Variants in PPP1R1C observed in about 807,000 individuals in gnomAD.
PPP1R1C encodes the protein protein phosphatase 1 regulatory inhibitor subunit 1C, also known as protein phosphatase 1 regulatory subunit 1C.
Under a neutral mutation model 17.4 loss-of-function variants are expected in PPP1R1C, and 15 were observed. That is an observed-to-expected ratio of 0.86 (90% CI 0.58 to 1.33). The LOEUF (loss-of-function observed/expected upper bound fraction) is 1.33, where lower values mean the gene tolerates loss of function less well. Ranked by LOEUF, PPP1R1C falls within the 40% of genes most tolerant of loss-of-function variation. The pLI, the probability that PPP1R1C is intolerant of heterozygous loss-of-function variation, is 0.00. For missense variants in PPP1R1C, 143 were observed against 130.0 expected (o/e 1.10, Z -0.48); for synonymous variants, 35 against 43.1 (o/e 0.81, Z 0.73).
At position 181,957,899 on chromosome 2, in the gene PPP1R1C, C is replaced by G. The variant is rs543664656; in HGVS notation, n.111+3265C>G. ...AATAATTGATAAATGATTCATGAGT[C>G]ATGCCTCCCAGAGTGTGTACTCATT... On this transcript the variant is annotated intron_variant and non_coding_transcript_variant, in intron 1 of 5. Transcript: ENST00000464264. This position sits in a 1 kb window ranked among gnomAD's most constrained non-coding sequence, Gnocchi z 4.2. Among the ~76,000 whole-genome samples the G allele has an allele frequency of 3.9e-5, 6 of 152,344 alleles. No homozygotes were observed. In the East Asian group the frequency reaches 7.7e-4, roughly 20 times the overall value.
chr2:182,052,861 A>C (rs1334162209), intron 2 of PPP1R1C, among the ~76,000 whole-genome samples: 1 of 152,222 alleles, frequency 6.6e-6, no homozygotes, highest in Non-Finnish European at 1.5e-5. Context: ...AAATAGACTG[A>C]CTTCCTGTCA....
At chr2:182,035,990 T>TACACACAC (rs35108850) in intron 2 of PPP1R1C, among the ~76,000 whole-genome samples, 3 of 150,360 alleles carry the variant, frequency 2.0e-5, no homozygotes, top group Non-Finnish European at 4.5e-5. Flanking sequence ...TGTGTGTTTA[T>TACACACAC]ACACACACAC....
At position 181,976,644 on chromosome 2, in the gene PPP1R1C, C is replaced by T. The variant is rs1685096513; in HGVS notation, n.157+1380C>T. On this transcript the variant is annotated intron_variant and non_coding_transcript_variant, in intron 2 of 5. Coordinates refer to the PPP1R1C transcript ENST00000464264. This position sits in a 1 kb window ranked among gnomAD's most constrained non-coding sequence, Gnocchi z 4.8. The stretch of plus-strand genomic sequence containing the variant: ...TCTATATCTGTATCTATCTATTCCT[C>T]ACTCCTCTCTGTCTCTTGAGTATTT... Among the ~76,000 whole-genome samples the T allele has an allele frequency of 1.3e-5, 2 of 152,032 alleles. No individual in the cohort carries two copies. The highest frequency in any genetic ancestry group is 4.2e-4 in the South Asian group (2 of 4,816).
At chr2:182,062,684 C>G (rs535111905) in intron 3 of PPP1R1C, among the ~76,000 whole-genome samples, 1 of 152,168 alleles carries the variant, frequency 6.6e-6, no homozygotes, top group Admixed American at 6.5e-5. Context: ...AATAACATCT[C>G]GATGATACCT....
chr2:182,110,097 A>G (rs1041392033), intron 4 of PPP1R1C, among the ~76,000 whole-genome samples: 7 of 142,464 alleles, frequency 4.9e-5, no homozygotes, highest in Non-Finnish European at 8.8e-5. Context: ...ATACCTCAAG[A>G]CAGCTAAAAG....
intron 1 of PPP1R1C, 131 bp from the exon 2 acceptor site, chr2:181,987,708 C>T (rs1685343241): frequency 1.3e-6 from 1 of 789,474 alleles, no homozygotes. Context: ...TGAGCACCTT[C>T]CATGTGTCCT....
chr2:182,011,010 T>C (rs990171322), intron 2 of PPP1R1C, among the ~76,000 whole-genome samples: 17 of 152,188 alleles, frequency 1.1e-4, no homozygotes, highest in Non-Finnish European at 2.4e-4. Context: ...AATGTGTTAT[T>C]GAATTCCATT....
intron 4 of PPP1R1C, among the ~76,000 whole-genome samples, chr2:182,079,847 C>G (rs923226269): frequency 1.3e-5 from 2 of 152,116 alleles, no homozygotes; most frequent in African/African-American, 4.8e-5. Context: ...GAGTGGAACT[C>G]GTTTCTGTCT....
intron 2 of PPP1R1C, among the ~76,000 whole-genome samples, chr2:182,032,569 A>T (rs1686878427): frequency 6.6e-6 from 1 of 152,076 alleles, no homozygotes; most frequent in African/African-American, 2.4e-5. Context: ...CTTATTTTTG[A>T]TGAATTTATT....
At chr2:182,086,759 A>G (rs552158111) in intron 4 of PPP1R1C, among the ~76,000 whole-genome samples, 27 of 152,322 alleles carry the variant, frequency 1.8e-4, no homozygotes, top group African/African-American at 6.5e-4. Flanking sequence ...ATGAATACAT[A>G]TATGTATCCC....
intron 1 of PPP1R1C, among the ~76,000 whole-genome samples, chr2:181,958,471 T>C (rs1041570667): frequency 6.6e-6 from 1 of 152,138 alleles, no homozygotes; most frequent in Non-Finnish European, 1.5e-5. Context: ...GGAGGCTCCA[T>C]AGGGATGTGG....
rs1299177214 is a variant in PPP1R1C at position 181,987,882 on chromosome 2, A to G, written c.125A>G (p.Asn42Ser). ...RPTPASLVIL[N>S]EHNPPEIDDK... ...ACACCAGCATCACTTGTGATTCTCA[A>G]TGAGCATAACCCCCCAGGTAAAGAA... is the stretch of plus-strand genomic sequence containing the variant. The change falls in exon 2 of 5, where the codon AAT (asparagine) becomes AGT (serine). Residue 42 changes from asparagine to serine, a missense_variant. Physicochemically the swap from Asn to Ser is conservative, Grantham distance 46. Transcript: ENST00000682840. 2 of 1,613,038 alleles carry G rather than the reference A, an allele frequency of 1.2e-6. No homozygotes were observed. The highest frequency in any genetic ancestry group is 4.5e-5 in the East Asian group (2 of 44,866).
intron 2 of PPP1R1C, among the ~76,000 whole-genome samples, chr2:182,002,853 G>A (rs139790133): frequency 0.021 from 3,105 of 150,172 alleles, 43 homozygotes; most frequent in South Asian, 0.036. Context: ...TCACCCCCTA[G>A]TATCTGTACA....
At chr2:182,012,482 T>C (rs1302467552) in intron 2 of PPP1R1C, among the ~76,000 whole-genome samples, 1 of 152,100 alleles carries the variant, frequency 6.6e-6, no homozygotes, top group African/African-American at 2.4e-5. Flanking sequence ...TCCCTTTATG[T>C]TCAGTCTATG....
At chr2:182,002,687 T>C (rs1685800636) in intron 2 of PPP1R1C, among the ~76,000 whole-genome samples, 1 of 152,088 alleles carries the variant, frequency 6.6e-6, no homozygotes. Flanking sequence ...AACAAAATAT[T>C]AGAGGATTTT....
intron 2 of PPP1R1C, among the ~76,000 whole-genome samples, chr2:182,049,327 CATCTCAAAAAAAAAAAAAAAAAA>C (rs986968184): frequency 3.0e-4 from 37 of 121,848 alleles, no homozygotes; most frequent in Non-Finnish European, 5.7e-4. Context: ...AATGAGATTC[CATCTCAAAAAAAAAAAAAAAAAA>C]ATCTCTCTAG....
Position 182,076,191 on chromosome 2 carries a change from TC to T in PPP1R1C, c.241+12401del, listed in dbSNP as rs370377020. The stretch of plus-strand genomic sequence containing the variant: ...ATCAAGGATTTTGAACTTTTTTTTT[TC>T]TTTTCTTTTTTTTTTTTTTTTTTTT... On this transcript the variant is annotated intron_variant, in intron 4 of 4. Coordinates refer to ENST00000682840, the MANE Select transcript of PPP1R1C (RefSeq NM_001080545.3). 2.8e-3 allele frequency among the ~76,000 whole-genome samples: 349 copies of T among 122,854 alleles called. 26 individuals are homozygous for T. The highest frequency in any genetic ancestry group is 0.011 in the African/African-American group (308 of 28,338). The allele number at this position is 122,854 out of a possible 152,430, so 80.6% of individuals were successfully genotyped here.
intron 2 of PPP1R1C, among the ~76,000 whole-genome samples, chr2:182,029,133 T>C (rs1320483031): frequency 1.4e-5 from 2 of 144,790 alleles, no homozygotes; most frequent in South Asian, 2.3e-4. Flanking sequence ...GTTTCCTGAA[T>C]ACAGCACACT....
intron 2 of PPP1R1C, among the ~76,000 whole-genome samples, chr2:182,041,921 C>T (rs1687195748): frequency 6.6e-6 from 1 of 152,042 alleles, no homozygotes; most frequent in South Asian, 2.1e-4. Context: ...ATCTACATTC[C>T]TTTGATCTAA....
Sources: allele counts gnomAD v4.1 joint callset (sites outside exome capture counted in the v4.1 genomes callset), GRCh38; gene constraint gnomAD v4.1.1; non-coding constraint Gnocchi (gnomAD v3.1); transcripts MANE v1.5; gene names NCBI Gene and HGNC (gene_info 2026-07-23, HGNC 2026-07-21).